The following DPP6 variants were observed in gnomAD, a reference collection of about 807,000 sequenced individuals.
The protein encoded by DPP6 is dipeptidyl peptidase like 6.
Under a neutral mutation model 122.6 loss-of-function variants are expected in DPP6, and 69 were observed. The ratio of observed to expected loss-of-function variants is 0.56; its 90% CI spans 0.46 to 0.69. The LOEUF (loss-of-function observed/expected upper bound fraction) is 0.69. Ranked by LOEUF, DPP6 falls within the 30% of genes least tolerant of loss-of-function variation. The probability of loss-of-function intolerance (pLI) is 0.00; values close to 1 mark genes in which losing one functional copy is unlikely to be tolerated. For missense variants in DPP6, 928 were observed against 1,116.9 expected, an observed-to-expected ratio of 0.83 and a Z score of 2.41; for synonymous variants, 418 against 433.1, an observed-to-expected ratio of 0.97 and a Z score of 0.43.
chr7:153,891,789 C>T (rs753300854), intron 1 of DPP6, among the ~76,000 whole-genome samples: 54 of 152,192 alleles, frequency 3.5e-4, no homozygotes, highest in Non-Finnish European at 6.5e-4. Flanking sequence ...TCTCCCCCTT[C>T]CTTGGTGTGT....
intron 4 of DPP6, among the ~76,000 whole-genome samples, chr7:154,547,128 C>T (rs1245512368): frequency 6.6e-6 from 1 of 152,226 alleles, no homozygotes; most frequent in Non-Finnish European, 1.5e-5. Flanking sequence ...GTGGGCTCAG[C>T]CTCGGTTTCA....
intron 1 of DPP6, among the ~76,000 whole-genome samples, chr7:153,970,910 T>A (rs1377267405): frequency 6.6e-6 from 1 of 152,210 alleles, no homozygotes; most frequent in Non-Finnish European, 1.5e-5. Flanking sequence ...AGACTTAAAA[T>A]CAGGTCGTTT....
At chr7:154,240,052 T>G (rs1801488949) in intron 1 of DPP6, among the ~76,000 whole-genome samples, 1 of 146,476 alleles carries the variant, frequency 6.8e-6, no homozygotes, top group Admixed American at 6.8e-5. Context: ...ATACAAGGAT[T>G]TTCAGCTGCT....
intron 1 of DPP6, among the ~76,000 whole-genome samples, chr7:154,178,592 G>A (rs919087392): frequency 1.3e-5 from 2 of 151,980 alleles, no homozygotes; most frequent in African/African-American, 4.8e-5. Flanking sequence ...GTAAAAACAC[G>A]TTCCATTGAA....
chr7:153,930,297 G>A (rs1026423322), intron 1 of DPP6, among the ~76,000 whole-genome samples: 1 of 152,094 alleles, frequency 6.6e-6, no homozygotes, highest in African/African-American at 2.4e-5. Flanking sequence ...AACAAAATGG[G>A]ATGCACTAGC....
At chr7:153,988,938 G>A (rs555939832) in intron 1 of DPP6, among the ~76,000 whole-genome samples, 125 of 150,362 alleles carry the variant, frequency 8.3e-4, no homozygotes, top group African/African-American at 2.9e-3. Context: ...TGGTGGGAAG[G>A]GGGCTTCGCA....
Position 154,091,976 on chromosome 7 carries a change from G to C in DPP6, c.243+38913G>C, listed in dbSNP as rs369301786. ...ATGATGGGCTGGCTGACCCTTGGTG[G>C]TTCTCAACAATTTCCAGGATGTTGC... On this transcript the variant is annotated intron_variant, in intron 1 of 25. Coordinates refer to ENST00000377770, the MANE Select transcript of DPP6 (RefSeq NM_130797.4). 4.6e-5 allele frequency among the ~76,000 whole-genome samples: 7 copies of C among 152,188 alleles called. No homozygotes were observed. In the East Asian group the frequency reaches 1.4e-3, roughly 30 times the overall value.
chr7:153,833,190 C>T, the DPP6 span, among the ~76,000 whole-genome samples: 2 of 152,216 alleles, frequency 1.3e-5, no homozygotes, highest in African/African-American at 2.4e-5. Context: ...AGTGGAACTG[C>T]ATGCACGCTG....
the DPP6 span, among the ~76,000 whole-genome samples, chr7:153,861,084 A>G: frequency 8.5e-5 from 13 of 152,214 alleles, 1 homozygote. Flanking sequence ...GTCAGTTAGC[A>G]CAGATAATGC....
the DPP6 span, among the ~76,000 whole-genome samples, chr7:153,836,271 C>T: frequency 4.6e-5 from 7 of 152,006 alleles, no homozygotes; most frequent in East Asian, 5.8e-4. Flanking sequence ...CAATTTATCG[C>T]GTTTGGCCAA....
At position 153,955,734 on chromosome 7, in the gene DPP6, C is replaced by T. The variant is rs541801104; in HGVS notation, c.51+68000C>T. ...GATTACAGGCGTGAGTCACTGCGCC[C>T]GGCCCGTTGTTGTTATTTTAGAATT... is the stretch of plus-strand genomic sequence containing the variant. On this transcript the variant is annotated intron_variant, in intron 1 of 25. Coordinates refer to the DPP6 transcript ENST00000404039. Among the ~76,000 whole-genome samples, 25 of 152,238 alleles carry T rather than the reference C, an allele frequency of 1.6e-4. No homozygotes were observed. The South Asian group carries it at 2.7e-3, about 16-fold the overall frequency.
intron 1 of DPP6, among the ~76,000 whole-genome samples, chr7:153,919,595 C>G (rs1415736326): frequency 6.6e-6 from 1 of 152,152 alleles, no homozygotes; most frequent in Non-Finnish European, 1.5e-5. Flanking sequence ...AAAAAGTACA[C>G]GTTAATCCAA....
At chr7:153,778,179 T>C in the DPP6 span, among the ~76,000 whole-genome samples, 1 of 149,938 alleles carries the variant, frequency 6.7e-6, no homozygotes, top group African/African-American at 2.5e-5. Flanking sequence ...AGTAAATGCA[T>C]TGTAGATAAT....
intron 16 of DPP6, among the ~76,000 whole-genome samples, chr7:154,848,626 C>T (rs976664617): frequency 2.0e-5 from 3 of 152,186 alleles, no homozygotes; most frequent in African/African-American, 7.2e-5. Flanking sequence ...TCTTTTCACT[C>T]TATTAATTGC....
chr7:154,541,771 G>T (rs745432010), intron 4 of DPP6, among the ~76,000 whole-genome samples: 1 of 152,124 alleles, frequency 6.6e-6, no homozygotes, highest in African/African-American at 2.4e-5. Context: ...CCTATAATCC[G>T]GGATTAGAGG....
Position 154,755,691 on chromosome 7 carries a change from A to C in DPP6, c.884-13726A>C, listed in dbSNP as rs1345884589. Among the ~76,000 whole-genome samples the C allele has an allele frequency of 6.6e-6, 1 of 152,152 alleles. No individual in the cohort carries two copies. Among genetic ancestry groups the C allele is most frequent in the Admixed American group, 6.5e-5 (1 of 15,272 alleles). On this transcript the variant is annotated intron_variant, in intron 8 of 25. Coordinates refer to ENST00000377770, the MANE Select transcript of DPP6 (RefSeq NM_130797.4). The surrounding 1 kb of genome is among the most constrained non-coding windows in gnomAD (Gnocchi z 4.7). The stretch of plus-strand genomic sequence containing the variant: ...CTGCCAAGTCTTACTGGAATTCAAT[A>C]AGAAAACTTACTTCCAAAAATAAAA...
At chr7:154,111,384 A>G (rs1338525554) in intron 1 of DPP6, among the ~76,000 whole-genome samples, 1 of 152,162 alleles carries the variant, frequency 6.6e-6, no homozygotes, top group Non-Finnish European at 1.5e-5. Context: ...TCTGTCTCAT[A>G]AGAATGTTTT....
chr7:154,072,225 T>TC (rs1327895263), intron 1 of DPP6, among the ~76,000 whole-genome samples: 3 of 152,232 alleles, frequency 2.0e-5, no homozygotes, highest in Non-Finnish European at 4.4e-5. Context: ...TTCTGTTCAT[T>TC]CCCCCTAAAC....
At chr7:154,665,179 G>C (rs1367627397) in intron 6 of DPP6, among the ~76,000 whole-genome samples, 2 of 152,230 alleles carry the variant, frequency 1.3e-5, no homozygotes, top group African/African-American at 4.8e-5. Context: ...TTGGAGTAAG[G>C]TTCTGCATTT....
Sources: allele counts gnomAD v4.1 joint callset (sites outside exome capture counted in the v4.1 genomes callset), GRCh38; gene constraint gnomAD v4.1.1; non-coding constraint Gnocchi (gnomAD v3.1); transcripts MANE v1.5; gene names NCBI Gene and HGNC (gene_info 2026-07-23, HGNC 2026-07-21).